SLC24A2: variants seen among roughly 807,000 people sequenced by gnomAD.
SLC24A2 encodes the protein sodium/potassium/calcium exchanger 2.
A neutral mutation model predicts 62.0 loss-of-function variants in SLC24A2; 36 were observed. That is an observed-to-expected ratio of 0.58 (90% CI 0.44 to 0.77). The LOEUF is 0.77. SLC24A2 is among the 30% of genes least tolerant of loss of function. The pLI is 0.00. For missense variants in SLC24A2, 846 were observed against 817.9 expected (o/e 1.03, Z -0.42); for synonymous variants, 358 against 294.0 (o/e 1.22, Z -2.23).
chr9:20,220,971 T>G, the SLC24A2 span, among the ~76,000 whole-genome samples: 1 of 152,158 alleles, frequency 6.6e-6, no homozygotes, highest in East Asian at 1.9e-4. Flanking sequence ...TGCTGAATTC[T>G]TTCTATGTGT....
At chr9:19,547,853 G>A (rs1044186739) in intron 8 of SLC24A2, among the ~76,000 whole-genome samples, 1 of 151,702 alleles carries the variant, frequency 6.6e-6, no homozygotes, top group Admixed American at 6.5e-5. Flanking sequence ...ACAGAGAGAG[G>A]AGAGACAATG....
intron 5 of SLC24A2, among the ~76,000 whole-genome samples, chr9:19,586,401 T>A (rs1332022072): frequency 6.6e-6 from 1 of 152,154 alleles, no homozygotes; most frequent in Non-Finnish European, 1.5e-5. Flanking sequence ...TGTGAGAAAG[T>A]GCTCAGATTT....
the SLC24A2 span, among the ~76,000 whole-genome samples, chr9:20,079,136 A>T: frequency 2.7e-5 from 4 of 147,082 alleles, no homozygotes; most frequent in Non-Finnish European, 4.6e-5. Context: ...AAGAAGGGAA[A>T]ACACAGACAC....
At chr9:20,114,682 G>C in the SLC24A2 span, among the ~76,000 whole-genome samples, 1 of 152,032 alleles carries the variant, frequency 6.6e-6, no homozygotes. Flanking sequence ...CATGTGCTAT[G>C]AATCTCCACG....
chr9:19,577,174 G>A, intron 5 of SLC24A2, 152 bp from the exon 6 acceptor site: 2 of 714,382 alleles, frequency 2.8e-6, no homozygotes, highest in Admixed American at 2.0e-5. Context: ...TTCCTGAAGG[G>A]TACTTTCTTG....
the SLC24A2 span, among the ~76,000 whole-genome samples, chr9:19,949,344 C>T: frequency 6.6e-6 from 1 of 152,096 alleles, no homozygotes. Context: ...AAGGGGATGA[C>T]AGTGGTGCAA....
At chr9:19,602,379 T>G (rs1037947866) in intron 4 of SLC24A2, among the ~76,000 whole-genome samples, 1 of 152,208 alleles carries the variant, frequency 6.6e-6, no homozygotes, top group African/African-American at 2.4e-5. Context: ...TGAACCTTGT[T>G]CTAACATCCT....
chr9:20,087,642 C>CT, the SLC24A2 span, among the ~76,000 whole-genome samples: 1 of 152,170 alleles, frequency 6.6e-6, no homozygotes, highest in African/African-American at 2.4e-5. Flanking sequence ...GCTGGCCTTT[C>CT]TTTTTTCCTA....
chr9:19,778,168 T>C (rs1032951313), intron 2 of SLC24A2, among the ~76,000 whole-genome samples: 3 of 152,234 alleles, frequency 2.0e-5, no homozygotes, highest in Admixed American at 2.0e-4. Context: ...CCCTTCTTAA[T>C]ATATTACTCC....
intron 2 of SLC24A2, among the ~76,000 whole-genome samples, chr9:19,746,323 G>C (rs1322348536): frequency 6.6e-6 from 1 of 152,088 alleles, no homozygotes; most frequent in South Asian, 2.1e-4. Context: ...CAAAATCTAA[G>C]TGAAATGAAA....
the SLC24A2 span, among the ~76,000 whole-genome samples, chr9:19,924,699 G>T: frequency 6.6e-6 from 1 of 152,132 alleles, no homozygotes; most frequent in Non-Finnish European, 1.5e-5. Flanking sequence ...CTAAGGTTAG[G>T]CCCAGGGTGA....
the SLC24A2 span, among the ~76,000 whole-genome samples, chr9:19,924,751 C>T: frequency 3.3e-5 from 5 of 152,164 alleles, no homozygotes; most frequent in African/African-American, 1.2e-4. Context: ...GAGGGTAAAA[C>T]ACAGGACAAA....
intron 2 of SLC24A2, among the ~76,000 whole-genome samples, chr9:19,690,184 C>T (rs535422896): frequency 6.6e-6 from 1 of 152,106 alleles, no homozygotes; most frequent in South Asian, 2.1e-4. Flanking sequence ...TTTATACAAA[C>T]ACACACACAC....
intron 2 of SLC24A2, among the ~76,000 whole-genome samples, chr9:19,733,528 G>A (rs769646972): frequency 3.9e-5 from 6 of 152,176 alleles, no homozygotes; most frequent in Non-Finnish European, 5.9e-5. Context: ...GACTAGCACA[G>A]CACTCACACC....
chr9:19,528,042 A>C lies in SLC24A2; in HGVS notation c.1569+7T>G. ...AAGGCAGAGGCATGTCACTATCAAA[A>C]TCTTACCTGGTGCGCCCACCAGACC... On this transcript the variant is annotated splice_region_variant and intron_variant, in intron 9 of 10. Coordinates refer to ENST00000341998, the MANE Select transcript of SLC24A2 (RefSeq NM_020344.4). 6.5e-7 allele frequency: 1 copy of C among 1,549,646 alleles called. No individual in the cohort carries two copies. The highest frequency in any genetic ancestry group is 1.2e-5 in the South Asian group (1 of 85,496).
At chr9:20,251,548 G>A in the SLC24A2 span, among the ~76,000 whole-genome samples, 1 of 152,164 alleles carries the variant, frequency 6.6e-6, no homozygotes, top group African/African-American at 2.4e-5. Flanking sequence ...TTAATAGGGA[G>A]GATGGGAGCT....
chr9:20,192,900 T>A, the SLC24A2 span, among the ~76,000 whole-genome samples: 1 of 152,178 alleles, frequency 6.6e-6, no homozygotes, highest in Non-Finnish European at 1.5e-5. Context: ...CTAATTTGAT[T>A]CTCTACTTAA....
chr9:20,170,353 A>G, the SLC24A2 span, among the ~76,000 whole-genome samples: 1 of 152,042 alleles, frequency 6.6e-6, no homozygotes, highest in African/African-American at 2.4e-5. Flanking sequence ...GCAAGAGCAC[A>G]GAGAGCAAAG....
At chr9:19,983,720 G>A in the SLC24A2 span, among the ~76,000 whole-genome samples, 1 of 152,044 alleles carries the variant, frequency 6.6e-6, no homozygotes, top group South Asian at 2.1e-4. Context: ...GAAAATAATT[G>A]CATTTACAAT....
Sources: allele counts gnomAD v4.1 joint callset (sites outside exome capture counted in the v4.1 genomes callset), GRCh38; gene constraint gnomAD v4.1.1; transcripts MANE v1.5; gene names NCBI Gene and HGNC (gene_info 2026-07-23, HGNC 2026-07-21).